Variants in SLC4A10 observed in about 807,000 individuals in gnomAD.
SLC4A10 encodes solute carrier family 4 member 10.
A neutral mutation model predicts 137.7 loss-of-function variants in SLC4A10; 42 were observed. The ratio of observed to expected loss-of-function variants is 0.30; its 90% CI spans 0.24 to 0.39. The LOEUF is 0.39. Among genes scored for constraint, SLC4A10 ranks in the 10% least tolerant of loss-of-function variants. SLC4A10 has a pLI of 1.00. For synonymous variants in SLC4A10, 474 were observed against 464.1 expected, an observed-to-expected ratio of 1.02 and a Z score of -0.27; for missense variants, 925 against 1,355.0, an observed-to-expected ratio of 0.68 and a Z score of 4.98.
intron 4 of SLC4A10, among the ~76,000 whole-genome samples, chr2:161,842,772 G>A (rs568930690): frequency 6.6e-6 from 1 of 152,036 alleles, no homozygotes; most frequent in Non-Finnish European, 1.5e-5. Flanking sequence ...TAATATATGT[G>A]CTCATCTTCT....
intron 3 of SLC4A10, among the ~76,000 whole-genome samples, chr2:161,805,592 C>A (rs1036068601): frequency 3.3e-5 from 5 of 152,266 alleles, no homozygotes; most frequent in Admixed American, 2.6e-4. Context: ...AACAAAGGGG[C>A]TACAGGCCCA....
chr2:161,797,528 G>A (rs563024305), intron 2 of SLC4A10, among the ~76,000 whole-genome samples: 52 of 139,076 alleles, frequency 3.7e-4, no homozygotes, highest in South Asian at 6.5e-4. Flanking sequence ...GGCTTGATTC[G>A]TTAGCCAGTT....
chr2:161,859,702 G>A (rs1330198191), intron 5 of SLC4A10, among the ~76,000 whole-genome samples: 1 of 139,634 alleles, frequency 7.2e-6, no homozygotes, highest in Admixed American at 7.8e-5. Flanking sequence ...CCGGGTTCAC[G>A]CCATTCCCCT....
chr2:161,706,728 G>A (rs1305291008), intron 1 of SLC4A10, among the ~76,000 whole-genome samples: 1 of 151,478 alleles, frequency 6.6e-6, no homozygotes, highest in East Asian at 1.9e-4. Flanking sequence ...TCTTCCCTCT[G>A]TTCTTACACT....
chr2:161,851,965 C>T (rs1169827929), intron 4 of SLC4A10, among the ~76,000 whole-genome samples: 1 of 152,158 alleles, frequency 6.6e-6, no homozygotes, highest in Non-Finnish European at 1.5e-5. Context: ...TCATGGCTCA[C>T]TCCAGCCTCG....
At chr2:161,644,891 ATTTTGGAGCCT>A (rs2035817758) in intron 1 of SLC4A10, among the ~76,000 whole-genome samples, 2 of 152,196 alleles carry the variant, frequency 1.3e-5, no homozygotes, top group African/African-American at 4.8e-5. Context: ...TTATTAAAAC[ATTTTGGAGCCT>A]TTTTGGACTA....
At chr2:161,893,337 A>G (rs2063108530) in intron 10 of SLC4A10, among the ~76,000 whole-genome samples, 1 of 151,664 alleles carries the variant, frequency 6.6e-6, no homozygotes, top group East Asian at 1.9e-4. Context: ...GTGTAGATAT[A>G]ATATATAGTT....
At chr2:161,720,699 A>G (rs1008879445) in intron 1 of SLC4A10, among the ~76,000 whole-genome samples, 1 of 151,066 alleles carries the variant, frequency 6.6e-6, no homozygotes, top group African/African-American at 2.4e-5. Context: ...TAGGATTTCA[A>G]CTCCTGCTTT....
At chr2:161,696,302 T>A (rs909978666) in intron 1 of SLC4A10, among the ~76,000 whole-genome samples, 14 of 150,188 alleles carry the variant, frequency 9.3e-5, no homozygotes, top group Admixed American at 2.0e-4. Flanking sequence ...TTTCTTTTTT[T>A]AAAAATTTTA....
chr2:161,741,490 T>G (rs776835452), intron 1 of SLC4A10, among the ~76,000 whole-genome samples: 2 of 152,262 alleles, frequency 1.3e-5, no homozygotes, highest in Middle Eastern at 3.4e-3. Context: ...CACTTCTTCC[T>G]GCCCAGCCCC....
At chr2:161,898,454 T>C (rs1407624484) in intron 11 of SLC4A10, among the ~76,000 whole-genome samples, 1 of 152,160 alleles carries the variant, frequency 6.6e-6, no homozygotes, top group African/African-American at 2.4e-5. Context: ...GAGGCTATGT[T>C]TTCTATTAGA....
chr2:161,863,096 C>T (rs1296725698), intron 6 of SLC4A10, 34 bp downstream of exon 6: 1 of 1,578,228 alleles, frequency 6.3e-7, no homozygotes, highest in South Asian at 1.1e-5. Context: ...TTTATGTCTA[C>T]TATAGGTCTC....
chr2:161,691,670 C>T lies in SLC4A10; in HGVS notation c.48+67104C>T, dbSNP rs570124855. Among the ~76,000 whole-genome samples, 68 of 152,106 alleles carry T rather than the reference C, an allele frequency of 4.5e-4. 1 individual carries two copies. The highest frequency in any genetic ancestry group is 2.9e-3 in the East Asian group (15 of 5,162). On this transcript the variant is annotated intron_variant, in intron 1 of 26. Transcript: ENST00000446997. Reference sequence around the variant, plus strand: ...ATAAGTATTATTGAGCTCTTATATACGCAATTCTGTGACTTTCAAGAAGCA... The same window carrying T: ...ATAAGTATTATTGAGCTCTTATATATGCAATTCTGTGACTTTCAAGAAGCA...
At chr2:161,643,836 A>C in intron 1 of SLC4A10, among the ~76,000 whole-genome samples, 1 of 152,224 alleles carries the variant, frequency 6.6e-6, no homozygotes. Flanking sequence ...CAAGTAGAAC[A>C]TCTACTTTTG....
intron 9 of SLC4A10, among the ~76,000 whole-genome samples, chr2:161,882,023 G>C (rs778784669): frequency 6.6e-6 from 1 of 151,640 alleles, no homozygotes; most frequent in Non-Finnish European, 1.5e-5. Context: ...GGTCTAATCA[G>C]ATTTTACTTT....
chr2:161,691,098 C>T lies in SLC4A10; in HGVS notation c.48+66532C>T, dbSNP rs1339730278. 2.0e-5 allele frequency among the ~76,000 whole-genome samples: 3 copies of T among 151,968 alleles called. No individual in the cohort carries two copies. The East Asian group carries it at 5.8e-4, about 29-fold the overall frequency. On this transcript the variant is annotated intron_variant, in intron 1 of 26. Transcript: ENST00000446997. Reference sequence around the variant, plus strand: ...TATCTTTTGAATTGTGCTTTAATTTCTGCAGTCAAATATGATGCAGTGAGA... The same window carrying T: ...TATCTTTTGAATTGTGCTTTAATTTTTGCAGTCAAATATGATGCAGTGAGA...
intron 10 of SLC4A10, among the ~76,000 whole-genome samples, chr2:161,891,854 G>A (rs922283977): frequency 2.6e-5 from 4 of 151,956 alleles, no homozygotes; most frequent in Non-Finnish European, 5.9e-5. Context: ...AAGGAGTTGT[G>A]ATCCTTTGGA....
chr2:161,792,213 CA>C (rs1002910537), intron 2 of SLC4A10, among the ~76,000 whole-genome samples: 220 of 152,132 alleles, frequency 1.4e-3, no homozygotes, highest in African/African-American at 5.1e-3. Context: ...TGTTTTCAAC[CA>C]ATCACTATTT....
At chr2:161,820,435 G>A (rs1463959065) in intron 3 of SLC4A10, among the ~76,000 whole-genome samples, 1 of 152,176 alleles carries the variant, frequency 6.6e-6, no homozygotes, top group East Asian at 1.9e-4. Context: ...TGGCACTCTA[G>A]AAACTCACTT....
Sources: gnomAD v4.1 joint callset for allele counts (sites outside exome capture counted in the v4.1 genomes callset) on GRCh38, gnomAD v4.1.1 for gene constraint, MANE v1.5 for transcripts, NCBI Gene and HGNC (gene_info 2026-07-23, HGNC 2026-07-21) for gene names.